Variants in ADGRL2 observed in about 807,000 individuals in gnomAD.
ADGRL2 encodes adhesion G protein-coupled receptor L2, also known as calcium-independent alpha-latrotoxin receptor 2.
ADGRL2 carries 44 observed loss-of-function variants against 157.4 expected under a neutral mutation model. The observed-to-expected ratio is 0.28, with a 90% CI of 0.22 to 0.36. The LOEUF is 0.36. Ranked by LOEUF, ADGRL2 falls within the 10% of genes least tolerant of loss-of-function variation. ADGRL2 has a pLI of 1.00. For synonymous variants in ADGRL2, 585 were observed against 624.7 expected (o/e 0.94, Z 0.95); for missense variants, 1,510 against 1,768.9 (o/e 0.85, Z 2.63).
At chr1:81,563,059 T>G (rs1471833458) in intron 2 of ADGRL2, among the ~76,000 whole-genome samples, 2 of 152,158 alleles carry the variant, frequency 1.3e-5, no homozygotes, top group African/African-American at 4.8e-5. Flanking sequence ...ACACTGTATT[T>G]AACTGTCAAT....
chr1:81,501,676 C>T (rs1374976930), intron 2 of ADGRL2: 1 of 1,525,066 alleles, frequency 6.6e-7, no homozygotes, highest in South Asian at 1.2e-5. Flanking sequence ...CCCGAAAACC[C>T]GGAGTGCCCC....
intron 3 of ADGRL2, among the ~76,000 whole-genome samples, chr1:81,644,374 C>T (rs1007283385): frequency 1.3e-5 from 2 of 152,030 alleles, no homozygotes; most frequent in Non-Finnish European, 2.9e-5. Flanking sequence ...ATAAAGTGGA[C>T]TTCATTAAGA....
intron 1 of ADGRL2, among the ~76,000 whole-genome samples, chr1:81,802,065 G>T (rs2149484594): frequency 6.6e-6 from 1 of 150,396 alleles, no homozygotes; most frequent in South Asian, 2.1e-4. Flanking sequence ...CGCCGTGTCC[G>T]GCCGGGGAGC....
intron 2 of ADGRL2, chr1:81,503,110 T>G: frequency 6.2e-7 from 1 of 1,612,868 alleles, no homozygotes; most frequent in South Asian, 1.1e-5. Flanking sequence ...GTCGAGGCTG[T>G]CTGAGGAGGA....
intron 2 of ADGRL2, among the ~76,000 whole-genome samples, chr1:81,525,013 G>C (rs1045700298): frequency 5.3e-5 from 8 of 152,294 alleles, no homozygotes; most frequent in African/African-American, 1.7e-4. Flanking sequence ...ACATTGGGTG[G>C]TTAGGGGACA....
intron 1 of ADGRL2, among the ~76,000 whole-genome samples, chr1:81,759,368 T>C (rs370589138): frequency 6.6e-5 from 10 of 152,268 alleles, no homozygotes; most frequent in East Asian, 5.8e-4. Flanking sequence ...GCTATCTAAA[T>C]ACAAATTTTA....
intron 2 of ADGRL2, among the ~76,000 whole-genome samples, chr1:81,779,770 C>T (rs2086740866): frequency 6.6e-6 from 1 of 152,160 alleles, no homozygotes; most frequent in Non-Finnish European, 1.5e-5. Context: ...CATATGGTTG[C>T]TTTTCCCCAA....
intron 1 of ADGRL2, chr1:81,427,432 T>A: frequency 2.7e-6 from 2 of 750,904 alleles, no homozygotes; most frequent in East Asian, 4.9e-5. Context: ...ATGGAGGAAA[T>A]TTGGTGGTGG....
At chr1:81,950,605 G>A (rs1651465523) in intron 7 of ADGRL2, 123 bp downstream of exon 7, 3 of 942,522 alleles carry the variant, frequency 3.2e-6, no homozygotes, top group Non-Finnish European at 4.7e-6. Context: ...TTTGTACTTT[G>A]GTAATATAAC....
At chr1:81,729,768 G>T (rs187109953) in intron 1 of ADGRL2, among the ~76,000 whole-genome samples, 2 of 152,214 alleles carry the variant, frequency 1.3e-5, no homozygotes, top group East Asian at 1.9e-4. Flanking sequence ...TAAGTTACAC[G>T]TATGAACAAT....
intron 1 of ADGRL2, among the ~76,000 whole-genome samples, chr1:81,408,406 C>T (rs916018229): frequency 6.6e-6 from 1 of 152,042 alleles, no homozygotes; most frequent in African/African-American, 2.4e-5. Flanking sequence ...AAATATAAAC[C>T]ATTCCTCACT....
In ADGRL2 at chr1:81,460,930, AG is replaced by A. The variant is rs542265402; in HGVS notation, c.-248+15843del. On this transcript the variant is annotated intron_variant, in intron 2 of 24. Transcript: ENST00000370721. ...AAGTGTACATTTTATATTTGTTTAAAGGAAACAGCAGTACTTATGCAGATGT... is the reference window on the plus strand; with the variant it reads ...AAGTGTACATTTTATATTTGTTTAAAGAAACAGCAGTACTTATGCAGATGT... Among the ~76,000 whole-genome samples the A allele has an allele frequency of 1.8e-3, 273 of 152,328 alleles. 1 individual carries two copies. The highest frequency in any genetic ancestry group is 6.1e-3 in the African/African-American group (255 of 41,568).
intron 2 of ADGRL2, among the ~76,000 whole-genome samples, chr1:81,471,968 G>A (rs998984837): frequency 2.6e-5 from 4 of 152,084 alleles, no homozygotes; most frequent in African/African-American, 9.7e-5. Context: ...GGAAGTTTGG[G>A]TTTTTACTCT....
At chr1:81,678,756 T>C (rs2083047413) in intron 3 of ADGRL2, among the ~76,000 whole-genome samples, 1 of 152,192 alleles carries the variant, frequency 6.6e-6, no homozygotes, top group African/African-American at 2.4e-5. Flanking sequence ...TTCAGGATGC[T>C]GTGAATTTAA....
chr1:81,845,190 T>A (rs2092737730), intron 2 of ADGRL2, among the ~76,000 whole-genome samples: 1 of 152,130 alleles, frequency 6.6e-6, no homozygotes, highest in Non-Finnish European at 1.5e-5. Context: ...AGATAATGAA[T>A]GCTAACAGAT....
At chr1:81,922,417 G>T (rs185015061) in intron 3 of ADGRL2, among the ~76,000 whole-genome samples, 25 of 152,094 alleles carry the variant, frequency 1.6e-4, no homozygotes, top group Admixed American at 1.4e-3. Context: ...GAAAATAGTC[G>T]TACAGAATAT....
At chr1:81,731,709 A>G (rs113011158) in intron 1 of ADGRL2, among the ~76,000 whole-genome samples, 405 of 151,098 alleles carry the variant, frequency 2.7e-3, no homozygotes, top group African/African-American at 9.3e-3. Context: ...TTTGCCAGAC[A>G]GTGTTCAGTA....
chr1:81,564,938 C>T (rs771625558), intron 2 of ADGRL2, among the ~76,000 whole-genome samples: 1 of 152,182 alleles, frequency 6.6e-6, no homozygotes, highest in Admixed American at 6.5e-5. Context: ...ACATGCCAAC[C>T]TCCAGCACTG....
chr1:81,612,757 C>T (rs2081568367), intron 3 of ADGRL2, among the ~76,000 whole-genome samples: 2 of 151,944 alleles, frequency 1.3e-5, no homozygotes, highest in East Asian at 1.9e-4. Flanking sequence ...AAGAAATAGG[C>T]TAAAGACATT....
Sources: allele counts gnomAD v4.1 joint callset (sites outside exome capture counted in the v4.1 genomes callset), GRCh38; gene constraint gnomAD v4.1.1; transcripts MANE v1.5; gene names NCBI Gene and HGNC (gene_info 2026-07-23, HGNC 2026-07-21).